The following GPHN variants were observed in gnomAD, a reference collection of about 807,000 sequenced individuals.
GPHN encodes the protein gephyrin.
Under a neutral mutation model 95.5 loss-of-function variants are expected in GPHN, and 17 were observed. The observed-to-expected ratio is 0.18, with a 90% CI of 0.12 to 0.27. The LOEUF is 0.27. Ranked by LOEUF, GPHN falls within the 10% of genes least tolerant of loss-of-function variation. The probability of loss-of-function intolerance (pLI) is 1.00; values close to 1 mark genes in which losing one functional copy is unlikely to be tolerated. For missense variants in GPHN, 660 were observed against 978.1 expected (o/e 0.67, Z 4.34); for synonymous variants, 320 against 322.5 (o/e 0.99, Z 0.08).
At chr14:67,119,815 A>C (rs895829151) in intron 16 of GPHN, among the ~76,000 whole-genome samples, 5 of 151,656 alleles carry the variant, frequency 3.3e-5, no homozygotes, top group African/African-American at 1.2e-4. Context: ...ACAACAACAA[A>C]AAAGTTTAAT....
At chr14:67,349,319 A>C in the GPHN span, among the ~76,000 whole-genome samples, 3 of 152,260 alleles carry the variant, frequency 2.0e-5, no homozygotes, top group Non-Finnish European at 2.9e-5. Context: ...AAACATTAGC[A>C]GTAAGAAAAG....
At chr14:67,518,019 A>T in the GPHN span, among the ~76,000 whole-genome samples, 1 of 152,178 alleles carries the variant, frequency 6.6e-6, no homozygotes, top group Non-Finnish European at 1.5e-5. Flanking sequence ...CACCCAAAGA[A>T]TGCTGAAACT....
At chr14:66,836,401 T>C (rs2061813861) in intron 4 of GPHN, among the ~76,000 whole-genome samples, 1 of 145,410 alleles carries the variant, frequency 6.9e-6, no homozygotes, top group Non-Finnish European at 1.5e-5. Context: ...TGTAGAAAGC[T>C]GAAACTGGAT....
intron 5 of GPHN, among the ~76,000 whole-genome samples, chr14:66,909,238 A>G (rs531240017): frequency 6.6e-6 from 1 of 152,258 alleles, no homozygotes; most frequent in East Asian, 1.9e-4. Flanking sequence ...GGGATATTCT[A>G]TACAACTGTC....
intron 9 of GPHN, among the ~76,000 whole-genome samples, chr14:67,001,188 G>A (rs2072199945): frequency 6.6e-6 from 1 of 151,342 alleles, no homozygotes; most frequent in Admixed American, 6.6e-5. Context: ...ATGGAAGTAG[G>A]AATGAAGAGA....
At chr14:67,634,858 C>T in the GPHN span, among the ~76,000 whole-genome samples, 1 of 152,126 alleles carries the variant, frequency 6.6e-6, no homozygotes, top group South Asian at 2.1e-4. Context: ...TATTAATGAC[C>T]AAACCTTGGA....
the GPHN span, among the ~76,000 whole-genome samples, chr14:67,661,467 A>T: frequency 4.0e-5 from 6 of 151,080 alleles, no homozygotes; most frequent in Non-Finnish European, 8.8e-5. Context: ...AGAAAGGGAC[A>T]TGGTTAGAAT....
At chr14:67,648,124 T>C in the GPHN span, 26 of 1,613,980 alleles carry the variant, frequency 1.6e-5, no homozygotes, top group Admixed American at 5.0e-5. Flanking sequence ...GGAACTCCTG[T>C]TGTCGGGGGA....
At chr14:67,076,839 CTCTT>C (rs2076514916) in intron 11 of GPHN, among the ~76,000 whole-genome samples, 1 of 152,176 alleles carries the variant, frequency 6.6e-6, no homozygotes, top group Admixed American at 6.5e-5. Flanking sequence ...ACCTACCACA[CTCTT>C]TCTCCACTCT....
the GPHN span, among the ~76,000 whole-genome samples, chr14:67,367,181 G>T: frequency 6.6e-6 from 1 of 152,234 alleles, no homozygotes; most frequent in South Asian, 2.1e-4. Flanking sequence ...TGGGGAGACA[G>T]AGCTTATAGT....
intron 5 of GPHN, among the ~76,000 whole-genome samples, chr14:66,898,643 A>G (rs554444028): frequency 1.3e-5 from 2 of 152,056 alleles, no homozygotes; most frequent in African/African-American, 4.8e-5. Context: ...TAGCTAAACA[A>G]TAAGTCTTGA....
chr14:66,516,751 G>C (rs2058261449), intron 1 of GPHN, among the ~76,000 whole-genome samples: 1 of 152,148 alleles, frequency 6.6e-6, no homozygotes, highest in Admixed American at 6.5e-5. Context: ...ATTATTTCTT[G>C]TTCTTTTAAA....
downstream of GPHN, among the ~76,000 whole-genome samples, chr14:67,185,199 C>T (rs573205795): frequency 5.9e-5 from 9 of 152,096 alleles, no homozygotes; most frequent in East Asian, 1.2e-3. Context: ...AAGATTTGTT[C>T]GTGGGTTTTG....
At chr14:67,049,087 C>T (rs1290405152) in intron 10 of GPHN, among the ~76,000 whole-genome samples, 2 of 152,136 alleles carry the variant, frequency 1.3e-5, no homozygotes, top group Non-Finnish European at 2.9e-5. Context: ...CTGGGGCCTT[C>T]AAGAGGAAAA....
chr14:67,675,834 A>C, the GPHN span, among the ~76,000 whole-genome samples: 1 of 151,980 alleles, frequency 6.6e-6, no homozygotes, highest in Admixed American at 6.6e-5. Flanking sequence ...ATGGTGGCTC[A>C]CGCGTCATCC....
the GPHN span, chr14:67,395,591 A>C: frequency 6.2e-6 from 10 of 1,613,820 alleles, no homozygotes; most frequent in Non-Finnish European, 8.5e-6. Context: ...GAGCTGTGGG[A>C]AGAGAGAGCC....
the GPHN span, among the ~76,000 whole-genome samples, chr14:67,427,070 C>T: frequency 6.6e-6 from 1 of 151,242 alleles, no homozygotes; most frequent in African/African-American, 2.4e-5. Flanking sequence ...TGTATTGTGT[C>T]GCGCGGGGGA....
chr14:66,619,272 G>T (rs1158548293), intron 1 of GPHN, among the ~76,000 whole-genome samples: 1 of 152,076 alleles, frequency 6.6e-6, no homozygotes, highest in African/African-American at 2.4e-5. Flanking sequence ...TCATTGGGTA[G>T]CTGTATGTTT....
intron 1 of GPHN, among the ~76,000 whole-genome samples, chr14:66,546,413 G>A (rs2059598501): frequency 6.6e-6 from 1 of 152,140 alleles, no homozygotes; most frequent in Non-Finnish European, 1.5e-5. Flanking sequence ...GGGAGGCCAA[G>A]GCAGGCGGCT....
Sources: allele counts gnomAD v4.1 joint callset (sites outside exome capture counted in the v4.1 genomes callset), GRCh38; gene constraint gnomAD v4.1.1; transcripts MANE v1.5; gene names NCBI Gene and HGNC (gene_info 2026-07-23, HGNC 2026-07-21).